Variants in XPO1 observed in about 807,000 individuals in gnomAD.
XPO1 encodes the protein exportin-1.
In XPO1, 5 loss-of-function variants were observed where a neutral mutation model predicts 133.3. The ratio of observed to expected loss-of-function variants is 0.04; its 90% CI spans 0.02 to 0.08. The LOEUF (loss-of-function observed/expected upper bound fraction) is 0.08. Ranked by LOEUF, XPO1 falls within the 10% of genes least tolerant of loss-of-function variation. The pLI is 1.00. For synonymous variants in XPO1, 419 were observed against 408.2 expected, an observed-to-expected ratio of 1.03 and a Z score of -0.32; for missense variants, 506 against 1,267.5, an observed-to-expected ratio of 0.40 and a Z score of 9.12.
At chr2:61,507,728 A>T (rs910172985) in intron 4 of XPO1, among the ~76,000 whole-genome samples, 1 of 152,000 alleles carries the variant, frequency 6.6e-6, no homozygotes, top group Non-Finnish European at 1.5e-5. Flanking sequence ...AAATACAAAA[A>T]TTAGCTCAGC....
At chr2:61,509,429 C>T (rs964064116) in intron 4 of XPO1, among the ~76,000 whole-genome samples, 72 of 152,080 alleles carry the variant, frequency 4.7e-4, no homozygotes, top group African/African-American at 1.5e-3. Flanking sequence ...GAGTTTGAGA[C>T]CAGCCTGACC....
At chr2:61,525,019 G>A (rs12713439) in intron 3 of XPO1, among the ~76,000 whole-genome samples, 95,667 of 151,730 alleles carry the variant, frequency 0.63, 30,326 homozygotes, top group Middle Eastern at 0.72. Flanking sequence ...CAAACATTCT[G>A]AAGAATTATA....
intron 18 of XPO1, 86 bp downstream of exon 18, chr2:61,488,502 T>TA (rs374172800): frequency 6.3e-6 from 9 of 1,422,080 alleles, no homozygotes; most frequent in African/African-American, 2.9e-5. Flanking sequence ...TTTAAATCTG[T>TA]AAAAAACATC....
At chr2:61,500,098 C>T (rs1008754276) in intron 6 of XPO1, among the ~76,000 whole-genome samples, 1 of 152,188 alleles carries the variant, frequency 6.6e-6, no homozygotes, top group Non-Finnish European at 1.5e-5. Context: ...TCTTAATCAC[C>T]GCAGGACCCT....
intron 4 of XPO1, among the ~76,000 whole-genome samples, chr2:61,514,783 C>T (rs1450312243): frequency 6.6e-6 from 1 of 151,794 alleles, no homozygotes; most frequent in Non-Finnish European, 1.5e-5. Context: ...TACACCAAAA[C>T]ATCCATATGG....
chr2:61,502,378 G>A (rs1171268585), intron 4 of XPO1, 68 bp from the exon 5 acceptor site: 8 of 1,409,894 alleles, frequency 5.7e-6, no homozygotes, highest in Non-Finnish European at 7.9e-6. Context: ...TAAATTTTGA[G>A]AACTAATTAA....
At chr2:61,497,664 G>T (rs532186113) in intron 9 of XPO1, among the ~76,000 whole-genome samples, 1 of 152,266 alleles carries the variant, frequency 6.6e-6, no homozygotes, top group East Asian at 1.9e-4. Context: ...AATGGTCAAT[G>T]TATCTAAGAG....
chr2:61,532,769 A>G (rs1489959414), intron 2 of XPO1, among the ~76,000 whole-genome samples: 1 of 150,908 alleles, frequency 6.6e-6, no homozygotes, highest in East Asian at 2.0e-4. Flanking sequence ...TGGGAGGCAG[A>G]GGTTGCAGTG....
In XPO1 at chr2:61,486,219, G is replaced by C. The variant is rs1014900294; in HGVS notation, c.2314-257C>G. Among the ~76,000 whole-genome samples the C allele has an allele frequency of 3.3e-5, 5 of 151,806 alleles. No homozygotes were observed. The South Asian group carries it at 1.0e-3, about 32-fold the overall frequency. On this transcript the variant is annotated intron_variant, in intron 19 of 24. Transcript: ENST00000401558. ...TTTGAGACAGTCTCACTGTCACTCA[G>C]ACCAGAGTGCAGTGGCAAATCTCTG...
chr2:61,479,434 A>G (rs1468967743), intron 24 of XPO1, among the ~76,000 whole-genome samples: 2 of 146,696 alleles, frequency 1.4e-5, no homozygotes, highest in Non-Finnish European at 3.0e-5. Flanking sequence ...CCTGGGTGAT[A>G]AAAGCGAGAC....
rs1697055595 is a variant in XPO1 at position 61,492,780 on chromosome 2, T to C, written c.1385-32A>G. On this transcript the variant is annotated intron_variant, in intron 13 of 24. Coordinates refer to ENST00000401558, the MANE Select transcript of XPO1 (RefSeq NM_003400.4). This position sits in a 1 kb window ranked among gnomAD's most constrained non-coding sequence, Gnocchi z 5.6. ...AGAAAAACATGGTTTCAAATGCAAATAATGAGCAGAATTTTATTGATGAGT... is the reference window on the plus strand; with the variant it reads ...AGAAAAACATGGTTTCAAATGCAAACAATGAGCAGAATTTTATTGATGAGT... 6.2e-7 allele frequency: 1 copy of C among 1,601,438 alleles called. No individual in the cohort carries two copies. The highest frequency in any genetic ancestry group is 8.5e-7 in the Non-Finnish European group (1 of 1,175,110).
chr2:61,504,202 A>C (rs1055837798), intron 4 of XPO1, among the ~76,000 whole-genome samples: 63 of 152,224 alleles, frequency 4.1e-4, no homozygotes, highest in African/African-American at 1.4e-3. Flanking sequence ...TTACTTATGG[A>C]TCTCTTCATA....
intron 22 of XPO1, 73 bp from the exon 23 acceptor site, chr2:61,482,612 G>GTT (rs11360652): frequency 4.8e-4 from 494 of 1,021,042 alleles, no homozygotes; most frequent in Non-Finnish European, 5.5e-4. Context: ...TTTTTGTTTT[G>GTT]TTTTTTTTTT....
intron 20 of XPO1, 108 bp downstream of exon 20, chr2:61,485,660 A>G: frequency 2.0e-6 from 2 of 982,904 alleles, no homozygotes; most frequent in South Asian, 3.9e-5. Context: ...TTAAATATTT[A>G]AACTCCATGG....
intron 4 of XPO1, 43 bp from the exon 5 acceptor site, chr2:61,502,353 T>G: frequency 6.4e-7 from 1 of 1,560,240 alleles, no homozygotes; most frequent in Non-Finnish European, 8.8e-7. Context: ...GTTGAGCTCT[T>G]TTGTAGCATG....
intron 4 of XPO1, chr2:61,502,577 A>AC: frequency 3.4e-6 from 1 of 290,134 alleles, no homozygotes; most frequent in South Asian, 4.3e-5. Flanking sequence ...ACATGGTGAA[A>AC]CCCTGTCTCT....
intron 4 of XPO1, among the ~76,000 whole-genome samples, chr2:61,519,423 G>A (rs1447005315): frequency 6.6e-6 from 1 of 151,882 alleles, no homozygotes; most frequent in Non-Finnish European, 1.5e-5. Context: ...ATGTTAGCCA[G>A]GCAGTGGCTC....
At chr2:61,507,564 C>T (rs906484240) in intron 4 of XPO1, among the ~76,000 whole-genome samples, 19 of 151,838 alleles carry the variant, frequency 1.3e-4, no homozygotes, top group Non-Finnish European at 2.4e-4. Context: ...GAGGGGATCT[C>T]TGTCTCTTTA....
intron 3 of XPO1, chr2:61,526,106 A>T (rs766614445): frequency 1.7e-4 from 192 of 1,142,304 alleles, no homozygotes; most frequent in Non-Finnish European, 2.0e-4. Flanking sequence ...TAATTCCTTA[A>T]TGTTATGTTT....
Sources: gnomAD v4.1 joint callset for allele counts (sites outside exome capture counted in the v4.1 genomes callset) on GRCh38, gnomAD v4.1.1 for gene constraint, Gnocchi (gnomAD v3.1) non-coding constraint, MANE v1.5 for transcripts, NCBI Gene and HGNC (gene_info 2026-07-23, HGNC 2026-07-21) for gene names.